MEGF6: variants seen among roughly 807,000 people sequenced by gnomAD.
The protein encoded by MEGF6 is multiple epidermal growth factor-like domains protein 6.
In MEGF6, 184 loss-of-function variants were observed where a neutral mutation model predicts 207.1. That is an observed-to-expected ratio of 0.89 (90% confidence interval 0.79 to 1.00). The LOEUF is 1.00. MEGF6 is among the 50% of genes least tolerant of loss of function. The pLI is 0.00. For missense variants in MEGF6, 2,282 were observed against 2,202.9 expected, an observed-to-expected ratio of 1.04 and a Z score of -0.72; for synonymous variants, 1,038 against 910.0, an observed-to-expected ratio of 1.14 and a Z score of -2.53.
At chr1:3,497,782 G>A (rs1339889019) in intron 26 of MEGF6, among the ~76,000 whole-genome samples, 1 of 152,196 alleles carries the variant, frequency 6.6e-6, no homozygotes, top group Non-Finnish European at 1.5e-5. Context: ...CCCTCAGACA[G>A]CAGACCCAAG....
chr1:3,531,284 A>G, intron 4 of MEGF6: 1 of 1,311,306 alleles, frequency 7.6e-7, no homozygotes, highest in Non-Finnish European at 9.7e-7. Context: ...GCGAGGACCA[A>G]CCGCGCTGCG....
At chr1:3,531,586 C>A in intron 4 of MEGF6, 2 of 794,078 alleles carry the variant, frequency 2.5e-6, no homozygotes, top group Non-Finnish European at 3.1e-6. Flanking sequence ...CCAGCGTGCG[C>A]GCTCCCGGAC....
At chr1:3,513,293 C>T (rs906066651) in intron 7 of MEGF6, among the ~76,000 whole-genome samples, 8 of 151,968 alleles carry the variant, frequency 5.3e-5, no homozygotes, top group Non-Finnish European at 7.4e-5. Flanking sequence ...CTCACTGTAG[C>T]GTCAACCTCC....
At chr1:3,563,277 C>T (rs188336265) in intron 4 of MEGF6, among the ~76,000 whole-genome samples, 4,987 of 152,156 alleles carry the variant, frequency 0.033, 95 homozygotes, top group South Asian at 0.047. Flanking sequence ...CATATGGCCA[C>T]GACGCTGGGC....
At chr1:3,552,110 AG>A (rs1642907084) in intron 4 of MEGF6, among the ~76,000 whole-genome samples, 2 of 152,198 alleles carry the variant, frequency 1.3e-5, no homozygotes, top group Admixed American at 6.5e-5. Flanking sequence ...CCCAACCCTC[AG>A]GACCCCAGCG....
intron 1 of MEGF6, among the ~76,000 whole-genome samples, chr1:3,607,352 A>C (rs2821019): frequency 0.94 from 143,068 of 152,078 alleles, 67,446 homozygotes; most frequent in East Asian, 0.98. Flanking sequence ...CTCCCCAAGG[A>C]CGGAGGGCCC....
chr1:3,555,287 G>A (rs1008993575), intron 4 of MEGF6, among the ~76,000 whole-genome samples: 2 of 151,726 alleles, frequency 1.3e-5, no homozygotes, highest in African/African-American at 4.8e-5. Flanking sequence ...CTCTCCCTGC[G>A]CCTCCACCCA....
chr1:3,525,192 G>A (rs1249049533), intron 4 of MEGF6, among the ~76,000 whole-genome samples: 4 of 152,116 alleles, frequency 2.6e-5, no homozygotes, highest in South Asian at 4.2e-4. Context: ...TCGCTGTGCC[G>A]GCACCCTCCC....
chr1:3,577,553 G>A (rs767868438), intron 4 of MEGF6, among the ~76,000 whole-genome samples: 6 of 152,242 alleles, frequency 3.9e-5, no homozygotes, highest in Non-Finnish European at 7.3e-5. Flanking sequence ...CAGGCAGAGA[G>A]TGGCCCAGAG....
intron 3 of MEGF6, among the ~76,000 whole-genome samples, chr1:3,591,703 C>T (rs961729696): frequency 2.2e-4 from 33 of 147,942 alleles, no homozygotes; most frequent in Non-Finnish European, 4.3e-4. Context: ...GGGGCTGCTA[C>T]CAAGGTCTCG....
In MEGF6 at chr1:3,500,987, T is replaced by C; in HGVS notation, c.2554A>G (p.Thr852Ala). 6.2e-7 allele frequency: 1 copy of C among 1,612,066 alleles called. No homozygotes were observed. Among genetic ancestry groups the C allele is most frequent in the Non-Finnish European group, 8.5e-7 (1 of 1,179,956 alleles). ...TGHCSCAPGW[T>A]GFSCQRACDT... ...GTACCTCTCTGGCAGCTAAAGCCGG[T>C]CCACCCGGGGGCACAGCTGCAGTGT... Residue 852 changes from threonine to alanine, a missense_variant, in exon 20 of 37, where the codon ACC becomes GCC. Thr to Ala is a moderately conservative substitution (Grantham distance 58). Transcript: ENST00000356575.
intron 4 of MEGF6, among the ~76,000 whole-genome samples, chr1:3,558,546 G>A (rs548495854): frequency 8.9e-4 from 136 of 152,200 alleles, no homozygotes; most frequent in African/African-American, 2.0e-3. Context: ...TTTCTTGCTC[G>A]CAAGACGTGC....
At chr1:3,501,717 G>T in intron 18 of MEGF6, 79 bp downstream of exon 18, 2 of 1,532,296 alleles carry the variant, frequency 1.3e-6, no homozygotes, top group Admixed American at 4.3e-5. Flanking sequence ...CAGGGCTGGG[G>T]CCCCCACAGT....
In MEGF6 at chr1:3,501,261, C is replaced by T; in HGVS notation, c.2362G>A (p.Ala788Thr). The part of the protein sequence containing the change: ...WGLGCQEICP[A>T]CQHAARCDPE... ...TCGCAGCGGGCAGCGTGCTGGCATGCTGGGCAGATCTCCTGGCAGCCCAGC... is the reference window on the plus strand; with the variant it reads ...TCGCAGCGGGCAGCGTGCTGGCATGTTGGGCAGATCTCCTGGCAGCCCAGC... Residue 788 changes from alanine to threonine, a missense_variant, in exon 19 of 37, where the codon GCA becomes ACA. By Grantham distance (58) the Ala-to-Thr change is moderately conservative. Coordinates refer to ENST00000356575, the MANE Select transcript of MEGF6 (RefSeq NM_001409.4). 4 of 1,608,060 alleles carry T rather than the reference C, an allele frequency of 2.5e-6. No individual in the cohort carries two copies. Among genetic ancestry groups the T allele is most frequent in the Non-Finnish European group, 3.4e-6 (4 of 1,178,018 alleles).
At position 3,594,305 on chromosome 1, in the gene MEGF6, T is replaced by A. The variant is rs1025481805; in HGVS notation, c.376+1033A>T. Among the ~76,000 whole-genome samples, 1 of 152,168 alleles carries A rather than the reference T, an allele frequency of 6.6e-6. No individual in the cohort carries two copies. The highest frequency in any genetic ancestry group is 1.9e-4 in the East Asian group (1 of 5,182). ...TTATTCAAGCGTGGTGGTGCACACCTACAGTCTCAGCCACTCGGGAGGCTG... is the reference window on the plus strand; with the variant it reads ...TTATTCAAGCGTGGTGGTGCACACCAACAGTCTCAGCCACTCGGGAGGCTG... On this transcript the variant is annotated intron_variant, in intron 3 of 36. Transcript: ENST00000356575. The surrounding 1 kb of genome is among the most constrained non-coding windows in gnomAD (Gnocchi z 4.2).
In MEGF6 at chr1:3,565,238, G is replaced by A. The variant is rs1200116553; in HGVS notation, c.481+14587C>T. On this transcript the variant is annotated intron_variant, in intron 4 of 36. Coordinates refer to ENST00000356575, the MANE Select transcript of MEGF6 (RefSeq NM_001409.4). The surrounding 1 kb of genome is among the most constrained non-coding windows in gnomAD (Gnocchi z 4.8). Reference sequence around the variant, plus strand: ...CCTGGGCAGTTGGGCGTCCCCAGGCGCCTCCTTGTTTATCAGACATGGCAC... The same window carrying A: ...CCTGGGCAGTTGGGCGTCCCCAGGCACCTCCTTGTTTATCAGACATGGCAC... 6.6e-6 allele frequency among the ~76,000 whole-genome samples: 1 copy of A among 151,862 alleles called. No individual in the cohort carries two copies. Among genetic ancestry groups the A allele is most frequent in the Non-Finnish European group, 1.5e-5 (1 of 67,970 alleles).
At chr1:3,592,635 A>G (rs369841751) in intron 3 of MEGF6, among the ~76,000 whole-genome samples, 3 of 152,122 alleles carry the variant, frequency 2.0e-5, no homozygotes, top group East Asian at 3.9e-4. Context: ...CTAGCACAGG[A>G]CGCGCCAGGC....
rs1047395996 is a variant in MEGF6, at chr1:3,488,862, T to C, written c.*1666A>G. 2.6e-5 allele frequency among the ~76,000 whole-genome samples: 4 copies of C among 152,244 alleles called. No individual in the cohort carries two copies. The highest frequency in any genetic ancestry group is 1.3e-4 in the Admixed American group (2 of 15,288). Reference sequence around the variant, plus strand: ...CAGGCTGACTGAGATCATTCACCTTTAGATCTGAGAACGTCTTGGTCGTCG... The same window carrying C: ...CAGGCTGACTGAGATCATTCACCTTCAGATCTGAGAACGTCTTGGTCGTCG... On this transcript the variant is annotated 3_prime_UTR_variant, in exon 37 of 37. Transcript: ENST00000356575.
In MEGF6 at chr1:3,573,699, C is replaced by T. The variant is rs7535878; in HGVS notation, c.481+6126G>A. Among the ~76,000 whole-genome samples, 3,511 of 152,270 alleles carry T rather than the reference C, an allele frequency of 0.023. 129 individuals carry two copies. The highest frequency in any genetic ancestry group is 0.079 in the African/African-American group (3,275 of 41,544). On this transcript the variant is annotated intron_variant, in intron 4 of 36. Transcript: ENST00000356575. This position sits in a 1 kb window ranked among gnomAD's most constrained non-coding sequence, Gnocchi z 5.1. ...CTTCCAGGAGCCCCGTCCTCCCCTC[C>T]CACCACTCCCTGGGGCACAGAGTCT...
Sources: gnomAD v4.1 joint callset for allele counts (sites outside exome capture counted in the v4.1 genomes callset) on GRCh38, gnomAD v4.1.1 for gene constraint, Gnocchi (gnomAD v3.1) non-coding constraint, MANE v1.5 for transcripts, NCBI Gene and HGNC (gene_info 2026-07-23, HGNC 2026-07-21) for gene names.